Variants in KCNK9 observed in about 807,000 individuals in gnomAD.
KCNK9 encodes the protein potassium channel subfamily K member 9.
A neutral mutation model predicts 10.8 loss-of-function variants in KCNK9; 1 was observed. That is an observed-to-expected ratio of 0.09 (90% CI 0.03 to 0.44). KCNK9 has a LOEUF of 0.44. KCNK9 is among the 20% of genes least tolerant of loss of function. The probability of loss-of-function intolerance (pLI) is 0.97; values close to 1 mark genes in which losing one functional copy is unlikely to be tolerated. For missense variants in KCNK9, 303 were observed against 515.0 expected, an observed-to-expected ratio of 0.59 and a Z score of 3.98; for synonymous variants, 231 against 222.7, an observed-to-expected ratio of 1.04 and a Z score of -0.33.
Position 139,702,461 on chromosome 8 carries a change from G to T in KCNK9, c.283+249C>A, listed in dbSNP as rs1586703805. ...CCGCCCTCCCGGCTCAGGCACACTC[G>T]CTCGGGGCTCGCACGCCCGGCCCAG... On this transcript the variant is annotated intron_variant, in intron 1 of 1. Coordinates refer to ENST00000520439, the MANE Select transcript of KCNK9 (RefSeq NM_001282534.2). The surrounding 1 kb of genome is among the most constrained non-coding windows in gnomAD (Gnocchi z 7.5). Among the ~76,000 whole-genome samples, 1 of 152,174 alleles carries T rather than the reference G, an allele frequency of 6.6e-6. No homozygotes were observed. The highest frequency in any genetic ancestry group is 2.1e-4 in the South Asian group (1 of 4,830).
At chr8:139,675,385 A>G (rs1022116698) in intron 1 of KCNK9, among the ~76,000 whole-genome samples, 18 of 152,124 alleles carry the variant, frequency 1.2e-4, no homozygotes, top group Non-Finnish European at 2.2e-4. Context: ...TTTAATCCCA[A>G]TGTGACAGCA....
rs28461940 is a variant in KCNK9, at chr8:139,634,333, A to T, written c.284-15234T>A. Among the ~76,000 whole-genome samples the T allele has an allele frequency of 3.4e-3, 523 of 152,138 alleles. 1 individual carries two copies. Among genetic ancestry groups the T allele is most frequent in the African/African-American group, 0.012 (479 of 41,488 alleles). Reference sequence around the variant, plus strand: ...AATATGGCTCAGGGAGGCCTAACCTACCCCTCATGGGAAAGGCAGGCATCC... The same window carrying T: ...AATATGGCTCAGGGAGGCCTAACCTTCCCCTCATGGGAAAGGCAGGCATCC... On this transcript the variant is annotated intron_variant, in intron 1 of 1. Transcript: ENST00000520439.
chr8:139,653,171 C>T (rs1815919701), intron 1 of KCNK9, among the ~76,000 whole-genome samples: 1 of 152,220 alleles, frequency 6.6e-6, no homozygotes, highest in East Asian at 1.9e-4. Flanking sequence ...ATGCCACCAG[C>T]CCTGTCAGCC....
Position 139,702,162 on chromosome 8 carries a change from G to T in KCNK9, c.283+548C>A, listed in dbSNP as rs768634891. 1.3e-5 allele frequency among the ~76,000 whole-genome samples: 2 copies of T among 152,178 alleles called. No individual in the cohort carries two copies. Among genetic ancestry groups the T allele is most frequent in the Non-Finnish European group, 2.9e-5 (2 of 68,014 alleles). On this transcript the variant is annotated intron_variant, in intron 1 of 1. Transcript: ENST00000520439. This position sits in a 1 kb window ranked among gnomAD's most constrained non-coding sequence, Gnocchi z 7.5. Reference sequence around the variant, plus strand: ...CAGGGGAAAAAAGGAGCCGGGCGGGGGGAAGAGAGATGAAATCTGAGCTCA... The same window carrying T: ...CAGGGGAAAAAAGGAGCCGGGCGGGTGGAAGAGAGATGAAATCTGAGCTCA...
downstream of KCNK9, chr8:139,616,100 A>G (rs968176220): frequency 6.6e-6 from 1 of 152,156 alleles, no homozygotes; most frequent in Non-Finnish European, 1.5e-5. Flanking sequence ...TCACCCTCTC[A>G]GTGCCTTGGT....
chr8:139,618,727 A>G lies in KCNK9; in HGVS notation c.656T>C (p.Leu219Pro). The change falls in exon 2 of 2, where the codon CTC becomes CCC. Residue 219 changes from leucine (L) to proline (P), a missense_variant. This residue lies in a region of KCNK9 where 53 missense variants were observed against 134.9 expected (regional missense o/e 0.39). Coordinates refer to ENST00000520439, the MANE Select transcript of KCNK9 (RefSeq NM_001282534.2). The surrounding 1 kb of genome is among the most constrained non-coding windows in gnomAD (Gnocchi z 7.9). ...QTKGALQKKP[L>P]YVAFSFMYIL... The stretch of plus-strand genomic sequence containing the variant: ...ATACATAAAGCTAAAGGCCACGTAG[A>G]GCGGCTTCTTCTGCAGGGCACCCTT... 1 of 1,614,208 alleles carries G rather than the reference A, an allele frequency of 6.2e-7. No homozygotes were observed. The highest frequency in any genetic ancestry group is 8.5e-7 in the Non-Finnish European group (1 of 1,180,032).
chr8:139,649,592 G>A (rs997835362), intron 1 of KCNK9, among the ~76,000 whole-genome samples: 2 of 152,000 alleles, frequency 1.3e-5, no homozygotes, highest in African/African-American at 2.4e-5. Context: ...CCACTCCTGG[G>A]CCCTTCCTCC....
intron 1 of KCNK9, among the ~76,000 whole-genome samples, chr8:139,661,798 G>A (rs762141455): frequency 1.2e-4 from 18 of 152,336 alleles, no homozygotes; most frequent in South Asian, 2.1e-4. Context: ...CTCTGAGGAC[G>A]TCCATTTCTG....
At chr8:139,645,880 A>T (rs1271415717) in intron 1 of KCNK9, among the ~76,000 whole-genome samples, 1 of 152,156 alleles carries the variant, frequency 6.6e-6, no homozygotes, top group Non-Finnish European at 1.5e-5. Flanking sequence ...CAGACCAGAC[A>T]CTGCCCTGCC....
chr8:139,616,958 C>G (rs1185230232), downstream of KCNK9: 1 of 152,150 alleles, frequency 6.6e-6, no homozygotes, highest in Non-Finnish European at 1.5e-5. Flanking sequence ...GGGGTCATCC[C>G]CTATTGAGAG....
At chr8:139,688,286 A>C (rs1816863638) in intron 1 of KCNK9, among the ~76,000 whole-genome samples, 1 of 152,224 alleles carries the variant, frequency 6.6e-6, no homozygotes, top group Non-Finnish European at 1.5e-5. Context: ...ACACTGCTAT[A>C]AAGAAATACC....
intron 1 of KCNK9, among the ~76,000 whole-genome samples, chr8:139,633,369 C>G (rs1355123182): frequency 6.6e-6 from 1 of 152,110 alleles, no homozygotes; most frequent in Non-Finnish European, 1.5e-5. Flanking sequence ...TGCTGCCTGG[C>G]ACATAGTCAC....
chr8:139,637,625 A>C (rs76842745), intron 1 of KCNK9, among the ~76,000 whole-genome samples: 1,880 of 152,338 alleles, frequency 0.012, 38 homozygotes, highest in African/African-American at 0.043. Context: ...CAGGGAGGTC[A>C]CAGTCTAAAG....
Position 139,685,573 on chromosome 8 carries a change from G to T in KCNK9, c.283+17137C>A, listed in dbSNP as rs191297361. Among the ~76,000 whole-genome samples, 290 of 152,220 alleles carry T rather than the reference G, an allele frequency of 1.9e-3. 1 individual carries two copies. Among genetic ancestry groups the T allele is most frequent in the African/African-American group, 6.3e-3 (263 of 41,524 alleles). On this transcript the variant is annotated intron_variant, in intron 1 of 1. Coordinates refer to ENST00000520439, the MANE Select transcript of KCNK9 (RefSeq NM_001282534.2). ...TTGTGATAGTTTGCTGAGAATGATG[G>T]TTTCCATCTTCATCCATGTCCCTGC...
downstream of KCNK9, among the ~76,000 whole-genome samples, chr8:139,615,357 T>TGAGTG (rs546282101): frequency 3.9e-5 from 6 of 152,170 alleles, no homozygotes; most frequent in Non-Finnish European, 8.8e-5. Context: ...TAATGCTGAT[T>TGAGTG]GAGTGGTAGG....
At position 139,697,942 on chromosome 8, in the gene KCNK9, G is replaced by A. The variant is rs547932446; in HGVS notation, c.283+4768C>T. The stretch of plus-strand genomic sequence containing the variant: ...ATCTCCTGGCTCCCCAGCATGGCCA[G>A]CTACCCTGCTGGACATTACCAAGGA... On this transcript the variant is annotated intron_variant, in intron 1 of 1. Coordinates refer to ENST00000520439, the MANE Select transcript of KCNK9 (RefSeq NM_001282534.2). Among the ~76,000 whole-genome samples the A allele has an allele frequency of 4.6e-5, 7 of 152,268 alleles. No individual in the cohort carries two copies. In the East Asian group the frequency reaches 7.7e-4, roughly 17 times the overall value.
chr8:139,701,836 C>T (rs1349774255), intron 1 of KCNK9, among the ~76,000 whole-genome samples: 2 of 152,190 alleles, frequency 1.3e-5, no homozygotes, highest in East Asian at 3.9e-4. Flanking sequence ...ACACTGCCCT[C>T]GGGACCGACC....
intron 1 of KCNK9, among the ~76,000 whole-genome samples, chr8:139,682,309 G>A (rs1032456766): frequency 3.9e-5 from 6 of 152,206 alleles, no homozygotes; most frequent in Admixed American, 6.5e-5. Context: ...AGACACAGGC[G>A]GGTGGGGGCC....
chr8:139,633,309 T>G (rs1815232250), intron 1 of KCNK9, among the ~76,000 whole-genome samples: 1 of 152,090 alleles, frequency 6.6e-6, no homozygotes, highest in South Asian at 2.1e-4. Flanking sequence ...ACTCCTTATC[T>G]AACTATAGTA....
Sources: gnomAD v4.1 joint callset for allele counts (sites outside exome capture counted in the v4.1 genomes callset) on GRCh38, gnomAD v4.1.1 for gene constraint, gnomAD v4.1.1 regional missense constraint, Gnocchi (gnomAD v3.1) non-coding constraint, MANE v1.5 for transcripts, NCBI Gene and HGNC (gene_info 2026-07-23, HGNC 2026-07-21) for gene names.